PGR: variants seen among roughly 807,000 people sequenced by gnomAD.
PGR encodes nuclear receptor subfamily 3 group C member 3.
Under a neutral mutation model 76.1 loss-of-function variants are expected in PGR, and 25 were observed. That is an observed-to-expected ratio of 0.33 (90% CI 0.24 to 0.46). PGR has a LOEUF of 0.46. Among genes scored for constraint, PGR ranks in the 20% least tolerant of loss-of-function variants. PGR has a pLI of 1.00. For missense variants in PGR, 1,172 were observed against 1,225.3 expected (o/e 0.96, Z 0.65); for synonymous variants, 579 against 535.0 (o/e 1.08, Z -1.14).
chr11:101,085,266 G>T (rs569666556), intron 3 of PGR, among the ~76,000 whole-genome samples: 1 of 151,986 alleles, frequency 6.6e-6, no homozygotes, highest in African/African-American at 2.4e-5. Context: ...AATACAAAGA[G>T]AAACCAACAT....
chr11:101,091,757 T>C lies in PGR; in HGVS notation c.1906+3A>G. The C allele has an allele frequency of 7.1e-7, 1 of 1,418,160 alleles. No individual in the cohort carries two copies. Among genetic ancestry groups the C allele is most frequent in the Non-Finnish European group, 1.0e-6 (1 of 1,001,346 alleles). The allele number at this position is 1,418,160 out of a possible 1,614,324, so 87.8% of individuals were successfully genotyped here. On this transcript the variant is annotated splice_donor_region_variant and intron_variant, in intron 3 of 7. Transcript: ENST00000325455. ...ATATTATTGATGAAAACATCAGAAT[T>C]ACCTCCAAGGACCATGCCAGCCTGA...
intron 3 of PGR, among the ~76,000 whole-genome samples, chr11:101,087,766 G>A (rs1861542345): frequency 1.3e-5 from 2 of 151,660 alleles, no homozygotes; most frequent in Admixed American, 6.6e-5. Flanking sequence ...CAAAAAAATG[G>A]GCAAAAGACT....
chr11:101,049,555 G>A (rs1033645061), intron 6 of PGR, among the ~76,000 whole-genome samples: 8 of 152,100 alleles, frequency 5.3e-5, no homozygotes, highest in Non-Finnish European at 1.2e-4. Context: ...AGGACTAGGC[G>A]ATGATAATTT....
chr11:101,046,052 C>A (rs141908540), intron 6 of PGR, among the ~76,000 whole-genome samples: 2 of 151,732 alleles, frequency 1.3e-5, no homozygotes, highest in African/African-American at 4.8e-5. Context: ...AATGTAAAAT[C>A]ATTTTTTCTT....
At position 101,118,287 on chromosome 11, in the gene PGR, A is replaced by G. The variant is rs549433887; in HGVS notation, c.1789+7720T>C. On this transcript the variant is annotated intron_variant, in intron 2 of 7. Transcript: ENST00000325455. ...TAAATGAGTTAGTAAACAAAGAGAC[A>G]TTAGAAGAGTACCTGAATTTAGTAA... Among the ~76,000 whole-genome samples the G allele has an allele frequency of 1.6e-4, 25 of 152,354 alleles. No individual in the cohort carries two copies. The South Asian group carries it at 5.0e-3, about 30-fold the overall frequency.
chr11:101,121,720 T>C (rs190290691), intron 2 of PGR, among the ~76,000 whole-genome samples: 197 of 152,308 alleles, frequency 1.3e-3, no homozygotes, highest in African/African-American at 4.6e-3. Flanking sequence ...ACCACCACAC[T>C]ATAAACTTTA....
At chr11:101,103,213 G>A (rs978873615) in intron 2 of PGR, among the ~76,000 whole-genome samples, 1 of 152,100 alleles carries the variant, frequency 6.6e-6, no homozygotes, top group Non-Finnish European at 1.5e-5. Context: ...TCGTAGGCTT[G>A]TTCTAGGTTG....
intron 7 of PGR, 161 bp downstream of exon 7, chr11:101,041,784 A>G (rs1859700902): frequency 3.1e-6 from 2 of 642,338 alleles, no homozygotes; most frequent in Admixed American, 2.9e-5. Context: ...AAAATGAAAA[A>G]AAAACACAAT....
chr11:101,055,848 C>A (rs1161889240), intron 4 of PGR, among the ~76,000 whole-genome samples: 1 of 151,912 alleles, frequency 6.6e-6, no homozygotes, highest in African/African-American at 2.4e-5. Context: ...TATTTTATGA[C>A]AACATTAAAG....
chr11:101,114,641 G>A (rs530168465), intron 2 of PGR, among the ~76,000 whole-genome samples: 1 of 151,794 alleles, frequency 6.6e-6, no homozygotes, highest in Non-Finnish European at 1.5e-5. Context: ...CTCCTTTACT[G>A]AGTAAAATGA....
chr11:101,049,382 A>C (rs1260842701), intron 6 of PGR, among the ~76,000 whole-genome samples: 1 of 152,224 alleles, frequency 6.6e-6, no homozygotes, highest in Non-Finnish European at 1.5e-5. Flanking sequence ...GTAAATACAT[A>C]AACCAGTAAG....
chr11:101,065,333 G>A (rs1860675636), intron 3 of PGR, among the ~76,000 whole-genome samples: 1 of 152,174 alleles, frequency 6.6e-6, no homozygotes, highest in Non-Finnish European at 1.5e-5. Flanking sequence ...ACTAAAAAGG[G>A]AATGTGAACA....
At chr11:101,082,411 C>T (rs138155328) in intron 3 of PGR, among the ~76,000 whole-genome samples, 2,229 of 152,210 alleles carry the variant, frequency 0.015, 61 homozygotes, top group African/African-American at 0.049. Flanking sequence ...GAGTAATGGG[C>T]AGAGGTTGGA....
At chr11:101,116,614 C>T (rs1591429204) in intron 2 of PGR, among the ~76,000 whole-genome samples, 1 of 151,902 alleles carries the variant, frequency 6.6e-6, no homozygotes, top group East Asian at 1.9e-4. Context: ...GTGGTGGGCA[C>T]CTGTAATCCC....
chr11:101,128,572 G>C lies in PGR; in HGVS notation c.499C>G (p.Arg167Gly), dbSNP rs372324844. The C allele has an allele frequency of 6.3e-7, 1 of 1,597,650 alleles. No individual in the cohort carries two copies. The highest frequency in any genetic ancestry group is 2.3e-5 in the East Asian group (1 of 44,384). The change falls in exon 1 of 8, where the codon CGG (arginine) becomes GGG (glycine). Residue 167 changes from arginine (R) to glycine (G), a missense_variant. This residue lies in a region of PGR where 893 missense variants were observed against 785.9 expected (regional missense o/e 1.14). Coordinates refer to ENST00000325455, the MANE Select transcript of PGR (RefSeq NM_000926.4). ...CTGTCTCCAACCTTGCACCCGGACC[G>C]GCTCATGAGCGGGGACAACACCCGC... ...TQRVLSPLMSRSGCKVGDSSG... is the reference protein window; with the variant it reads ...TQRVLSPLMSGSGCKVGDSSG...
Position 101,033,993 on chromosome 11 carries a change from C to T in PGR, c.*5123G>A, listed in dbSNP as rs184673645. The T allele has an allele frequency of 4.4e-6, 1 of 229,602 alleles. No individual in the cohort carries two copies. Among genetic ancestry groups the T allele is most frequent in the Non-Finnish European group, 8.6e-6 (1 of 115,830 alleles). 14.2% of individuals were successfully genotyped at this position (229,602 alleles called of 1,614,324 possible). On this transcript the variant is annotated 3_prime_UTR_variant, in exon 8 of 8. Transcript: ENST00000325455. ...TACCATTTAAATATTTTATTCATAT[C>T]TATCCGAATATTGACCAGGACACTA...
intron 3 of PGR, among the ~76,000 whole-genome samples, chr11:101,080,912 C>T (rs1013949508): frequency 1.3e-5 from 2 of 151,736 alleles, no homozygotes; most frequent in African/African-American, 4.8e-5. Flanking sequence ...GTGAACTAAC[C>T]CAATCTGATA....
At chr11:101,109,661 A>C (rs1862282989) in intron 2 of PGR, among the ~76,000 whole-genome samples, 1 of 152,222 alleles carries the variant, frequency 6.6e-6, no homozygotes, top group Non-Finnish European at 1.5e-5. Flanking sequence ...CAAAAGTACA[A>C]GGTGAAGCAG....
intron 3 of PGR, among the ~76,000 whole-genome samples, chr11:101,068,058 A>G (rs1016957882): frequency 1.3e-5 from 2 of 152,204 alleles, no homozygotes; most frequent in Non-Finnish European, 2.9e-5. Flanking sequence ...GATAATATTC[A>G]TATTTTCTTA....
Sources: gnomAD v4.1 joint callset for allele counts (sites outside exome capture counted in the v4.1 genomes callset) on GRCh38, gnomAD v4.1.1 for gene constraint, gnomAD v4.1.1 regional missense constraint, MANE v1.5 for transcripts, NCBI Gene and HGNC (gene_info 2026-07-23, HGNC 2026-07-21) for gene names.